The following SV2C variants were observed in gnomAD, a reference collection of about 807,000 sequenced individuals.
The protein encoded by SV2C is synaptic vesicle glycoprotein 2C, also known as solute carrier family 22 member B3.
In SV2C, 49 loss-of-function variants were observed where a neutral mutation model predicts 79.7. The observed-to-expected ratio is 0.61, with a 90% CI of 0.49 to 0.78. The LOEUF (loss-of-function observed/expected upper bound fraction) is 0.78. Among genes scored for constraint, SV2C ranks in the 30% least tolerant of loss-of-function variants. The pLI is 0.00. For synonymous variants in SV2C, 334 were observed against 333.2 expected (o/e 1.00, Z -0.03); for missense variants, 833 against 912.9 (o/e 0.91, Z 1.13).
At chr5:76,208,018 T>C (rs1744660887) in intron 3 of SV2C, among the ~76,000 whole-genome samples, 1 of 152,160 alleles carries the variant, frequency 6.6e-6, no homozygotes, top group African/African-American at 2.4e-5. Flanking sequence ...TTGGACTTGG[T>C]TGGCTGCCTC....
chr5:76,072,132 G>A, the SV2C span, among the ~76,000 whole-genome samples: 1 of 152,068 alleles, frequency 6.6e-6, no homozygotes, highest in Non-Finnish European at 1.5e-5. Context: ...AGATATGCAG[G>A]TTTCTCCAGA....
downstream of SV2C, among the ~76,000 whole-genome samples, chr5:76,338,934 G>A (rs553459506): frequency 6.6e-6 from 1 of 152,144 alleles, no homozygotes; most frequent in Admixed American, 6.5e-5. Context: ...GAGATGACAG[G>A]TGTGAGCCAC....
At chr5:76,250,899 A>G (rs1746094033) in intron 4 of SV2C, among the ~76,000 whole-genome samples, 1 of 151,914 alleles carries the variant, frequency 6.6e-6, no homozygotes, top group African/African-American at 2.4e-5. Context: ...CCTTGCCTAC[A>G]AGAAGGGCAG....
the SV2C span, among the ~76,000 whole-genome samples, chr5:75,876,385 A>G: frequency 1.3e-5 from 2 of 152,104 alleles, no homozygotes; most frequent in African/African-American, 2.4e-5. Context: ...TTATGAACAC[A>G]AAGAAGGAAA....
At chr5:75,883,323 C>G in the SV2C span, among the ~76,000 whole-genome samples, 1 of 143,958 alleles carries the variant, frequency 6.9e-6, no homozygotes. Context: ...CCATTTGACC[C>G]AGCTATCCCA....
the SV2C span, among the ~76,000 whole-genome samples, chr5:76,045,913 G>A: frequency 6.6e-6 from 1 of 152,032 alleles, no homozygotes; most frequent in African/African-American, 2.4e-5. Context: ...GTGGGACATG[G>A]GGAGGGGTAA....
intron 4 of SV2C, among the ~76,000 whole-genome samples, chr5:76,261,104 C>T (rs543455725): frequency 6.6e-6 from 1 of 152,092 alleles, no homozygotes; most frequent in Non-Finnish European, 1.5e-5. Context: ...TGTTTGTGTC[C>T]TCTCTTATTT....
intron 1 of SV2C, among the ~76,000 whole-genome samples, chr5:76,111,256 T>C (rs1748088452): frequency 6.6e-6 from 1 of 152,150 alleles, no homozygotes; most frequent in Non-Finnish European, 1.5e-5. Context: ...CTGGGAGTTA[T>C]TTTTTTAATG....
the SV2C span, among the ~76,000 whole-genome samples, chr5:76,025,513 A>G: frequency 1.3e-5 from 2 of 152,222 alleles, no homozygotes; most frequent in East Asian, 3.8e-4. Context: ...ACCCTTTAAG[A>G]GAGTGGATGT....
chr5:76,302,141 G>A (rs975835235), intron 12 of SV2C, among the ~76,000 whole-genome samples: 1 of 152,206 alleles, frequency 6.6e-6, no homozygotes, highest in Non-Finnish European at 1.5e-5. Context: ...ATGAAGCAGT[G>A]AGGATTAGAG....
chr5:76,136,583 G>T (rs1320074736), intron 2 of SV2C, among the ~76,000 whole-genome samples: 1 of 152,022 alleles, frequency 6.6e-6, no homozygotes, highest in Non-Finnish European at 1.5e-5. Context: ...GATTGCAGAA[G>T]AGGGAACTAC....
At chr5:75,874,250 A>G in the SV2C span, among the ~76,000 whole-genome samples, 1 of 152,340 alleles carries the variant, frequency 6.6e-6, no homozygotes, top group African/African-American at 2.4e-5. Flanking sequence ...TTGGTTCAAC[A>G]TATGCAAATC....
chr5:75,975,284 T>C, the SV2C span, among the ~76,000 whole-genome samples: 12,423 of 152,204 alleles, frequency 0.082, 603 homozygotes, highest in South Asian at 0.17. Flanking sequence ...TTTATGGTTT[T>C]AATATTTATT....
At chr5:76,140,192 T>G (rs1034916170) in intron 2 of SV2C, among the ~76,000 whole-genome samples, 7 of 152,214 alleles carry the variant, frequency 4.6e-5, no homozygotes, top group Non-Finnish European at 8.8e-5. Flanking sequence ...CAAGCACTAT[T>G]TGGACTCTAG....
chr5:75,952,227 A>G, the SV2C span, among the ~76,000 whole-genome samples: 1 of 150,330 alleles, frequency 6.7e-6, no homozygotes, highest in African/African-American at 2.5e-5. Context: ...TCTGATTTCC[A>G]ATGTATTCTT....
the SV2C span, among the ~76,000 whole-genome samples, chr5:75,903,940 C>T: frequency 1.3e-5 from 2 of 152,250 alleles, no homozygotes; most frequent in South Asian, 2.1e-4. Context: ...TTTCTACTTG[C>T]ATTCCTCTTT....
At chr5:75,944,120 A>C in the SV2C span, among the ~76,000 whole-genome samples, 51,063 of 151,980 alleles carry the variant, frequency 0.34, 11,722 homozygotes, top group African/African-American at 0.66. Context: ...TGGGCTCAAG[A>C]AATCCTCCCA....
At chr5:75,848,760 C>G in the SV2C span, among the ~76,000 whole-genome samples, 4 of 152,118 alleles carry the variant, frequency 2.6e-5, no homozygotes, top group South Asian at 2.1e-4. Flanking sequence ...GAACATATAT[C>G]CTATATGGGA....
At chr5:76,126,329 G>T (rs1201147097) in intron 1 of SV2C, among the ~76,000 whole-genome samples, 1 of 152,200 alleles carries the variant, frequency 6.6e-6, no homozygotes, top group African/African-American at 2.4e-5. Flanking sequence ...TAGGCATACA[G>T]GTAGTTTACA....
Sources: gnomAD v4.1 joint callset for allele counts (sites outside exome capture counted in the v4.1 genomes callset) on GRCh38, gnomAD v4.1.1 for gene constraint, MANE v1.5 for transcripts, NCBI Gene and HGNC (gene_info 2026-07-23, HGNC 2026-07-21) for gene names.